Variants in ITGB5 observed in about 807,000 individuals in gnomAD.
ITGB5 encodes integrin beta-5.
ITGB5 carries 38 observed loss-of-function variants against 84.8 expected under a neutral mutation model. The observed-to-expected ratio is 0.45, with a 90% CI of 0.35 to 0.59. The LOEUF is 0.59. Ranked by LOEUF, ITGB5 falls within the 20% of genes least tolerant of loss-of-function variation. The pLI, the probability that ITGB5 is intolerant of heterozygous loss-of-function variation, is 0.01. For synonymous variants in ITGB5, 393 were observed against 414.4 expected (o/e 0.95, Z 0.63); for missense variants, 905 against 1,034.5 (o/e 0.87, Z 1.72).
intron 1 of ITGB5, among the ~76,000 whole-genome samples, chr3:124,886,726 G>A (rs1934827591): frequency 1.3e-5 from 2 of 151,788 alleles, no homozygotes; most frequent in Non-Finnish European, 2.9e-5. Context: ...GCCCGGGAGG[G>A]AACAGGAGAC....
At chr3:124,770,358 G>A (rs1055317044) in intron 11 of ITGB5, among the ~76,000 whole-genome samples, 1 of 152,128 alleles carries the variant, frequency 6.6e-6, no homozygotes, top group Non-Finnish European at 1.5e-5. Flanking sequence ...GAGTGCAGGG[G>A]GTGACCTCAG....
rs2063709432 is a variant in ITGB5 at position 124,762,520 on chromosome 3, C to T, written c.*1103G>A. 1 of 152,160 alleles carries T rather than the reference C, an allele frequency of 6.6e-6. No homozygotes were observed. Among genetic ancestry groups the T allele is most frequent in the Admixed American group, 6.5e-5 (1 of 15,276 alleles). The allele number at this position is 152,160 out of a possible 1,614,324, so 9.4% of individuals were successfully genotyped here. On this transcript the variant is annotated 3_prime_UTR_variant, in exon 15 of 15. Coordinates refer to ENST00000296181, the MANE Select transcript of ITGB5 (RefSeq NM_002213.5). ...ACTTCATGGCCCTGCGGGAAAAAAG[C>T]TCAAATGTGTTTTTTTGCATTGGGC...
At chr3:124,810,753 T>G (rs566027939) in intron 8 of ITGB5, among the ~76,000 whole-genome samples, 2 of 152,226 alleles carry the variant, frequency 1.3e-5, no homozygotes, top group South Asian at 4.2e-4. Flanking sequence ...GTTTATACAC[T>G]CAACACAGAG....
intron 10 of ITGB5, among the ~76,000 whole-genome samples, chr3:124,785,194 G>A (rs1559931786): frequency 6.6e-6 from 1 of 152,162 alleles, no homozygotes; most frequent in African/African-American, 2.4e-5. Flanking sequence ...ACAAGGGCAG[G>A]GTGAGTGACA....
chr3:124,828,164 A>G (rs1263769673), intron 5 of ITGB5, among the ~76,000 whole-genome samples: 1 of 152,178 alleles, frequency 6.6e-6, no homozygotes, highest in African/African-American at 2.4e-5. Context: ...GACCTACCAT[A>G]TGACCCAACC....
chr3:124,890,633 C>T (rs545367929), upstream of ITGB5, among the ~76,000 whole-genome samples: 3 of 152,198 alleles, frequency 2.0e-5, no homozygotes, highest in African/African-American at 4.8e-5. Flanking sequence ...CAACACAGTC[C>T]GTCACTTACC....
chr3:124,799,588 C>T (rs1258989518), intron 9 of ITGB5, among the ~76,000 whole-genome samples: 4 of 152,144 alleles, frequency 2.6e-5, no homozygotes, highest in East Asian at 1.9e-4. Context: ...AAACAAAACA[C>T]TAATAATTAT....
intron 5 of ITGB5, among the ~76,000 whole-genome samples, chr3:124,827,690 C>T (rs1473457152): frequency 6.6e-6 from 1 of 152,132 alleles, no homozygotes; most frequent in Non-Finnish European, 1.5e-5. Context: ...CCATCGTATC[C>T]CCTGTGACCT....
At chr3:124,813,140 C>T (rs1434436913) in intron 8 of ITGB5, among the ~76,000 whole-genome samples, 1 of 152,198 alleles carries the variant, frequency 6.6e-6, no homozygotes, top group Non-Finnish European at 1.5e-5. Flanking sequence ...GGGGCCCGTG[C>T]TGGGGCTCAA....
chr3:124,860,579 T>C (rs1306291312), intron 2 of ITGB5, among the ~76,000 whole-genome samples: 1 of 152,222 alleles, frequency 6.6e-6, no homozygotes, highest in Non-Finnish European at 1.5e-5. Flanking sequence ...ATATACTTTA[T>C]TATAAATCAT....
intron 1 of ITGB5, among the ~76,000 whole-genome samples, chr3:124,886,126 A>C (rs1052557015): frequency 1.3e-5 from 2 of 152,226 alleles, no homozygotes; most frequent in Non-Finnish European, 2.9e-5. Context: ...CAACGCTGCC[A>C]GCCCACCGCA....
intron 10 of ITGB5, among the ~76,000 whole-genome samples, chr3:124,794,806 A>AAGAG (rs10628116): frequency 0.05 from 7,473 of 150,536 alleles, 450 homozygotes; most frequent in African/African-American, 0.14. Context: ...ACAAGAAAGA[A>AAGAG]AGAGAGAGAG....
At chr3:124,772,050 C>T (rs1452732368) in intron 11 of ITGB5, among the ~76,000 whole-genome samples, 1 of 151,346 alleles carries the variant, frequency 6.6e-6, no homozygotes, top group East Asian at 1.9e-4. Context: ...AGCATAGGCT[C>T]AAAAAGGTTC....
chr3:124,848,464 A>G lies in ITGB5; in HGVS notation c.456T>C (p.Asp152=). Reference sequence around the variant, plus strand: ...CCAGGCTCCGGATATTGTCCAAGTCATCCTTCATGGACAGGGAGAGGTCCA... The same window carrying G: ...CCAGGCTCCGGATATTGTCCAAGTCGTCCTTCATGGACAGGGAGAGGTCCA... The part of the protein sequence containing the change: ...YLMDLSLSMK[D]DLDNIRSLGT... The change falls in exon 4 of 15, where the codon GAT becomes GAC. Residue 152 remains aspartate (D), a synonymous_variant. Coordinates refer to ENST00000296181, the MANE Select transcript of ITGB5 (RefSeq NM_002213.5). The G allele has an allele frequency of 6.2e-7, 1 of 1,614,160 alleles. No individual in the cohort carries two copies. Among genetic ancestry groups the G allele is most frequent in the Non-Finnish European group, 8.5e-7 (1 of 1,180,022 alleles).
chr3:124,810,773 A>T (rs2064486792), intron 8 of ITGB5, among the ~76,000 whole-genome samples: 1 of 152,188 alleles, frequency 6.6e-6, no homozygotes, highest in Non-Finnish European at 1.5e-5. Context: ...GTATAGCATG[A>T]TGTACCCATA....
chr3:124,801,566 C>T (rs1469896904), intron 9 of ITGB5, among the ~76,000 whole-genome samples: 4 of 152,160 alleles, frequency 2.6e-5, no homozygotes, highest in African/African-American at 4.8e-5. Context: ...TCATACGGGC[C>T]GTGTCCTTGT....
chr3:124,806,360 A>AC (rs901521095), intron 9 of ITGB5, among the ~76,000 whole-genome samples: 1 of 144,688 alleles, frequency 6.9e-6, no homozygotes, highest in African/African-American at 2.6e-5. Context: ...CAAACATTCC[A>AC]CCCACAGATC....
At chr3:124,804,667 T>TTTTG (rs113384107) in intron 9 of ITGB5, among the ~76,000 whole-genome samples, 8,026 of 152,126 alleles carry the variant, frequency 0.053, 360 homozygotes, top group African/African-American at 0.12. Flanking sequence ...CACTTATCTT[T>TTTTG]TTTGTTTGTT....
At chr3:124,882,223 T>G (rs748107550) in intron 1 of ITGB5, among the ~76,000 whole-genome samples, 1 of 152,216 alleles carries the variant, frequency 6.6e-6, no homozygotes, top group Non-Finnish European at 1.5e-5. Flanking sequence ...GACTCCCTTA[T>G]TCACGGAGCT....
Sources: allele counts gnomAD v4.1 joint callset (sites outside exome capture counted in the v4.1 genomes callset), GRCh38; gene constraint gnomAD v4.1.1; transcripts MANE v1.5; gene names NCBI Gene and HGNC (gene_info 2026-07-23, HGNC 2026-07-21).